The following CNTNAP5 variants were observed in gnomAD, a reference collection of about 807,000 sequenced individuals.
The protein encoded by CNTNAP5 is contactin associated protein family member 5.
CNTNAP5 carries 72 observed loss-of-function variants against 150.2 expected under a neutral mutation model. That is an observed-to-expected ratio of 0.48 (90% confidence interval 0.40 to 0.58). The LOEUF (loss-of-function observed/expected upper bound fraction) is 0.58. Among genes scored for constraint, CNTNAP5 ranks in the 20% least tolerant of loss-of-function variants. The pLI is 0.00. For missense variants in CNTNAP5, 1,636 were observed against 1,626.2 expected, an observed-to-expected ratio of 1.01 and a Z score of -0.10; for synonymous variants, 672 against 619.8, an observed-to-expected ratio of 1.08 and a Z score of -1.25.
chr2:124,219,617 A>G (rs1036015377), intron 1 of CNTNAP5, among the ~76,000 whole-genome samples: 5 of 151,886 alleles, frequency 3.3e-5, no homozygotes, highest in Admixed American at 2.6e-4. Flanking sequence ...TGTGGTTTGT[A>G]TTTTTCTATG....
At chr2:124,376,867 G>A (rs1303419741) in intron 3 of CNTNAP5, among the ~76,000 whole-genome samples, 2 of 151,966 alleles carry the variant, frequency 1.3e-5, no homozygotes, top group Non-Finnish European at 2.9e-5. Flanking sequence ...CAGGTTTCAC[G>A]CACCAGAGAA....
chr2:124,609,054 T>C (rs568758345), intron 11 of CNTNAP5, among the ~76,000 whole-genome samples: 1 of 152,340 alleles, frequency 6.6e-6, no homozygotes, highest in East Asian at 1.9e-4. Flanking sequence ...GCTGTGATTG[T>C]TGCACTCTGC....
chr2:124,419,152 A>AAAAAAAAAAAAC (rs58348022), intron 4 of CNTNAP5, among the ~76,000 whole-genome samples: 2,385 of 120,560 alleles, frequency 0.02, 163 homozygotes, highest in African/African-American at 0.043. Context: ...AAAAAAAAAA[A>AAAAAAAAAAAAC]AAAAAAAAAA....
intron 19 of CNTNAP5, among the ~76,000 whole-genome samples, chr2:124,859,869 T>G (rs1169971223): frequency 6.6e-6 from 1 of 151,908 alleles, no homozygotes; most frequent in Non-Finnish European, 1.5e-5. Flanking sequence ...TGAGAACACT[T>G]GGACACAGGA....
chr2:124,271,671 A>ATCTATCTG (rs1161368495), intron 3 of CNTNAP5, among the ~76,000 whole-genome samples: 2 of 115,564 alleles, frequency 1.7e-5, no homozygotes, highest in Non-Finnish European at 3.7e-5. Flanking sequence ...CTATCTATCT[A>ATCTATCTG]TCTATCTATC....
intron 3 of CNTNAP5, among the ~76,000 whole-genome samples, chr2:124,348,071 C>T (rs984508227): frequency 6.6e-6 from 1 of 152,066 alleles, no homozygotes; most frequent in African/African-American, 2.4e-5. Context: ...ACCTAGTGAG[C>T]CGCCCGCGTC....
At chr2:124,399,955 A>C (rs899162887) in intron 3 of CNTNAP5, among the ~76,000 whole-genome samples, 3 of 152,098 alleles carry the variant, frequency 2.0e-5, no homozygotes, top group Admixed American at 6.6e-5. Flanking sequence ...TTTCCTCTTA[A>C]ACTAATGACA....
At chr2:124,504,245 C>A (rs369978375) in intron 7 of CNTNAP5, 47 bp from the exon 8 acceptor site, 105 of 1,579,436 alleles carry the variant, frequency 6.6e-5, no homozygotes, top group Non-Finnish European at 8.6e-5. Flanking sequence ...TGTCAGATTG[C>A]GGAATAAAAA....
intron 3 of CNTNAP5, among the ~76,000 whole-genome samples, chr2:124,336,147 GA>G (rs1437586437): frequency 6.6e-6 from 1 of 152,110 alleles, no homozygotes; most frequent in Non-Finnish European, 1.5e-5. Flanking sequence ...ATATTCTTTG[GA>G]AATGAAATGG....
chr2:124,076,904 T>A (rs1311387036), intron 1 of CNTNAP5, among the ~76,000 whole-genome samples: 1 of 152,098 alleles, frequency 6.6e-6, no homozygotes, highest in Non-Finnish European at 1.5e-5. Flanking sequence ...AATCTCCCTA[T>A]AAAAAACAGC....
intron 7 of CNTNAP5, among the ~76,000 whole-genome samples, chr2:124,494,409 A>AT (rs1372841344): frequency 6.6e-6 from 1 of 152,016 alleles, no homozygotes; most frequent in Non-Finnish European, 1.5e-5. Context: ...GAACATGTTC[A>AT]TTTTTTCTGT....
intron 13 of CNTNAP5, among the ~76,000 whole-genome samples, chr2:124,711,832 C>G (rs1275793197): frequency 6.6e-6 from 1 of 152,102 alleles, no homozygotes; most frequent in Non-Finnish European, 1.5e-5. Context: ...CAGAGCAATA[C>G]TCTGTCTCAA....
intron 1 of CNTNAP5, 127 bp from the exon 2 acceptor site, chr2:124,221,578 G>A: frequency 3.1e-6 from 2 of 638,058 alleles, no homozygotes; most frequent in African/African-American, 1.8e-5. Flanking sequence ...GAAACCGGGA[G>A]TACCTGACCT....
intron 11 of CNTNAP5, among the ~76,000 whole-genome samples, chr2:124,594,893 G>A (rs1303167337): frequency 3.0e-5 from 3 of 98,416 alleles, no homozygotes; most frequent in African/African-American, 7.3e-5. Context: ...TATTCTCTTT[G>A]AAGCAATTGT....
chr2:124,273,224 C>T (rs1687801782), intron 3 of CNTNAP5, among the ~76,000 whole-genome samples: 1 of 152,122 alleles, frequency 6.6e-6, no homozygotes, highest in African/African-American at 2.4e-5. Context: ...CCAGACTTGC[C>T]TATTTCTCAG....
chr2:124,055,035 T>G (rs2104646746), intron 1 of CNTNAP5, among the ~76,000 whole-genome samples: 1 of 152,234 alleles, frequency 6.6e-6, no homozygotes, highest in South Asian at 2.1e-4. Flanking sequence ...TATCTGAGTT[T>G]CCTTAGCCAA....
intron 21 of CNTNAP5, among the ~76,000 whole-genome samples, chr2:124,873,051 G>T (rs1013070020): frequency 6.6e-6 from 1 of 152,006 alleles, no homozygotes; most frequent in Non-Finnish European, 1.5e-5. Context: ...AATTTATAAA[G>T]AAAAAATGTT....
intron 6 of CNTNAP5, among the ~76,000 whole-genome samples, chr2:124,466,090 G>C (rs1424838158): frequency 6.6e-6 from 1 of 152,106 alleles, no homozygotes; most frequent in East Asian, 1.9e-4. Context: ...CCTCTCACCT[G>C]AGGCCAAAAT....
At chr2:124,910,196 A>G (rs1253179217) in intron 22 of CNTNAP5, among the ~76,000 whole-genome samples, 1 of 151,942 alleles carries the variant, frequency 6.6e-6, no homozygotes, top group Non-Finnish European at 1.5e-5. Context: ...GTGTCTCCAC[A>G]TGGCTGTGTG....
Sources: allele counts gnomAD v4.1 joint callset (sites outside exome capture counted in the v4.1 genomes callset), GRCh38; gene constraint gnomAD v4.1.1; transcripts MANE v1.5; gene names NCBI Gene and HGNC (gene_info 2026-07-23, HGNC 2026-07-21).